The following CFH variants were observed in gnomAD, a reference collection of about 807,000 sequenced individuals.
CFH encodes H factor 1 (complement).
CFH carries 53 observed loss-of-function variants against 147.3 expected under a neutral mutation model. That is an observed-to-expected ratio of 0.36 (90% CI 0.29 to 0.45). The LOEUF (loss-of-function observed/expected upper bound fraction) is 0.45, where lower values mean the gene tolerates loss of function less well. CFH is among the 20% of genes least tolerant of loss of function. CFH has a pLI of 1.00. For missense variants in CFH, 1,380 were observed against 1,498.0 expected (o/e 0.92, Z 1.30); for synonymous variants, 536 against 489.4 (o/e 1.10, Z -1.26).
At chr1:196,677,839 A>G (rs966719474) in intron 5 of CFH, 172 bp downstream of exon 5, 2 of 630,178 alleles carry the variant, frequency 3.2e-6, no homozygotes, top group Non-Finnish European at 5.6e-6. Flanking sequence ...TTTCATTTTA[A>G]CTTTCAAAAA....
At chr1:196,732,358 C>A (rs1669299000) in intron 15 of CFH, among the ~76,000 whole-genome samples, 1 of 151,784 alleles carries the variant, frequency 6.6e-6, no homozygotes, top group Non-Finnish European at 1.5e-5. Flanking sequence ...TACTTTCTAC[C>A]TCTTTGTTGA....
Position 196,747,438 on chromosome 1 carries a change from ATG to A in CFH, c.*127_*128del, listed in dbSNP as rs55641694. The A allele has an allele frequency of 3.0e-5, 35 of 1,156,288 alleles. No homozygotes were observed. The East Asian group carries it at 8.7e-4, about 29-fold the overall frequency. The allele number at this position is 1,156,288 out of a possible 1,614,324, so 71.6% of individuals were successfully genotyped here. A position where few individuals can be genotyped will look rare whatever the true frequency, so the allele number is the denominator to read the frequency against. The stretch of plus-strand genomic sequence containing the variant: ...TAAAATTTTGGATTAATTTGTGAAA[ATG>A]TAATTATAAGCTGAGACCGGTGGCT... On this transcript the variant is annotated 3_prime_UTR_variant, in exon 22 of 22. Transcript: ENST00000367429.
rs751914625 is a variant in CFH at position 196,673,173 on chromosome 1, T to C, written c.244+10T>C. 5.6e-6 allele frequency: 9 copies of C among 1,609,394 alleles called. No homozygotes were observed. In the South Asian group the frequency reaches 8.8e-5, roughly 16 times the overall value. ...TTAAGGAAATGTCAGAGTAAGTACTTAATACATTTGTGAAATTTATGAAAA... is the reference window on the plus strand; with the variant it reads ...TTAAGGAAATGTCAGAGTAAGTACTCAATACATTTGTGAAATTTATGAAAA... On this transcript the variant is annotated intron_variant, in intron 2 of 21. Transcript: ENST00000367429.
At chr1:196,735,559 A>C (rs996460110) in intron 15 of CFH, among the ~76,000 whole-genome samples, 2 of 152,094 alleles carry the variant, frequency 1.3e-5, no homozygotes, top group Non-Finnish European at 2.9e-5. Context: ...AATGGGATAC[A>C]GCTGAAACAG....
chr1:196,679,978 A>G (rs533815922), intron 6 of CFH, among the ~76,000 whole-genome samples, 185 bp downstream of exon 6: 13 of 151,836 alleles, frequency 8.6e-5, no homozygotes, highest in Non-Finnish European at 1.6e-4. Context: ...CGATACACAC[A>G]CTCTGAAAAC....
chr1:196,699,880 A>G (rs933976312), intron 9 of CFH, among the ~76,000 whole-genome samples: 1 of 152,206 alleles, frequency 6.6e-6, no homozygotes, highest in Non-Finnish European at 1.5e-5. Flanking sequence ...TCATTAGGCT[A>G]GCTTTCCATT....
In CFH at chr1:196,725,111, CT is replaced by C. The variant is rs1669104935; in HGVS notation, c.1697-5del. ...ATATATTCTCATGAAATTATTTTAC[CT>C]TTTTCAAGAAAGAGAATGCGAACTT... On this transcript the variant is annotated splice_polypyrimidine_tract_variant and intron_variant, in intron 11 of 21. Transcript: ENST00000367429. 1.2e-6 allele frequency: 2 copies of C among 1,606,676 alleles called. No individual in the cohort carries two copies. The highest frequency in any genetic ancestry group is 2.2e-5 in the East Asian group (1 of 44,598).
At chr1:196,714,597 A>ATG (rs3043112) in intron 10 of CFH, among the ~76,000 whole-genome samples, 36,813 of 103,550 alleles carry the variant, frequency 0.36, 7,587 homozygotes, top group East Asian at 0.53. Context: ...ACTCAGTAAT[A>ATG]TGTGTGTGTG....
At chr1:196,695,309 A>G (rs1205866841) in intron 9 of CFH, among the ~76,000 whole-genome samples, 2 of 152,116 alleles carry the variant, frequency 1.3e-5, no homozygotes, top group Admixed American at 1.3e-4. Context: ...TGAAGATCAA[A>G]TGGTTGTAGA....
At chr1:196,685,278 A>G in intron 7 of CFH, 41 bp downstream of exon 7, 4 of 1,601,808 alleles carry the variant, frequency 2.5e-6, no homozygotes, top group Non-Finnish European at 3.4e-6. Flanking sequence ...TTAATTCTGA[A>G]ATTTCTTTTA....
At chr1:196,659,477 A>G (rs1354292034) in intron 1 of CFH, among the ~76,000 whole-genome samples, 1 of 152,226 alleles carries the variant, frequency 6.6e-6, no homozygotes, top group East Asian at 1.9e-4. Flanking sequence ...GTGGCAGTGT[A>G]TAGCAGCCTC....
Position 196,701,268 on chromosome 1 carries a change from T to G in CFH, c.1336+11029T>G, listed in dbSNP as rs534761485. On this transcript the variant is annotated intron_variant, in intron 9 of 21. Transcript: ENST00000367429. Reference sequence around the variant, plus strand: ...AGTCCTGAAGGAGTTGCTAGTGGAATCTCAGCAAGCCTAACTCAGGGTAAT... The same window carrying G: ...AGTCCTGAAGGAGTTGCTAGTGGAAGCTCAGCAAGCCTAACTCAGGGTAAT... 1.5e-4 allele frequency: 250 copies of G among 1,613,142 alleles called. 6 individuals are homozygous for G. The South Asian group carries it at 2.4e-3, about 15-fold the overall frequency.
intron 4 of CFH, chr1:196,677,235 G>T: frequency 2.4e-6 from 1 of 419,724 alleles, no homozygotes; most frequent in Non-Finnish European, 4.3e-6. Flanking sequence ...AAAAATACAA[G>T]CTAGCATTGA....
chr1:196,653,833 G>T (rs760534960), intron 1 of CFH, among the ~76,000 whole-genome samples: 3 of 152,052 alleles, frequency 2.0e-5, no homozygotes, highest in African/African-American at 4.8e-5. Context: ...TGGTGAAAAT[G>T]ATATAAATCT....
chr1:196,704,141 G>A (rs1245276147), intron 9 of CFH, among the ~76,000 whole-genome samples: 4 of 151,978 alleles, frequency 2.6e-5, no homozygotes, highest in Non-Finnish European at 4.4e-5. Flanking sequence ...GTGGTGGCAC[G>A]ATTGTGGCTC....
intron 20 of CFH, among the ~76,000 whole-genome samples, chr1:196,744,058 A>C (rs1652914525): frequency 6.6e-6 from 1 of 152,172 alleles, no homozygotes; most frequent in African/African-American, 2.4e-5. Flanking sequence ...TATTTATAAA[A>C]AGAAGTCCGA....
chr1:196,703,075 G>A (rs1045601932), intron 9 of CFH, among the ~76,000 whole-genome samples: 1 of 152,222 alleles, frequency 6.6e-6, no homozygotes, highest in Admixed American at 6.5e-5. Context: ...CTCAATTAGT[G>A]AAGATTGTTT....
chr1:196,706,963 A>G (rs1668604941), intron 9 of CFH, among the ~76,000 whole-genome samples: 1 of 152,116 alleles, frequency 6.6e-6, no homozygotes, highest in South Asian at 2.1e-4. Flanking sequence ...AGACCAAGAG[A>G]ATGTCTGAGC....
chr1:196,707,707 T>C (rs986225769), intron 9 of CFH, among the ~76,000 whole-genome samples: 1 of 152,210 alleles, frequency 6.6e-6, no homozygotes, highest in Non-Finnish European at 1.5e-5. Flanking sequence ...CCTATCTGAA[T>C]GGATAAGTAA....
Sources: gnomAD v4.1 joint callset for allele counts (sites outside exome capture counted in the v4.1 genomes callset) on GRCh38, gnomAD v4.1.1 for gene constraint, MANE v1.5 for transcripts, NCBI Gene and HGNC (gene_info 2026-07-23, HGNC 2026-07-21) for gene names.